Variants in WDR33 observed in about 807,000 individuals in gnomAD.
WDR33 encodes the protein WD repeat domain 33.
In WDR33, 47 loss-of-function variants were observed where a neutral mutation model predicts 164.9. That is an observed-to-expected ratio of 0.29 (90% CI 0.23 to 0.36). The LOEUF (loss-of-function observed/expected upper bound fraction) is 0.36, where lower values mean the gene tolerates loss of function less well. WDR33 is among the 10% of genes least tolerant of loss of function. WDR33 has a pLI of 1.00. For missense variants in WDR33, 1,137 were observed against 1,754.1 expected (o/e 0.65, Z 6.28); for synonymous variants, 505 against 589.0 (o/e 0.86, Z 2.06).
chr2:127,706,053 C>T lies in WDR33; in HGVS notation c.*270G>A, dbSNP rs1426690497. 2.7e-6 allele frequency: 1 copy of T among 376,062 alleles called. No homozygotes were observed. Among genetic ancestry groups the T allele is most frequent in the Non-Finnish European group, 4.7e-6 (1 of 212,142 alleles). The allele number at this position is 376,062 out of a possible 1,614,324, so 23.3% of individuals were successfully genotyped here. A position where few individuals can be genotyped will look rare whatever the true frequency, so the allele number is the denominator to read the frequency against. On this transcript the variant is annotated 3_prime_UTR_variant, in exon 22 of 22. Coordinates refer to ENST00000322313, the MANE Select transcript of WDR33 (RefSeq NM_018383.5). The surrounding 1 kb of genome is among the most constrained non-coding windows in gnomAD (Gnocchi z 5.1). ...TGGAGATGCCCCATGTCTTGTGAGA[C>T]TTAAAAAAAAGAAAAAGATCCCAGC...
In WDR33 at chr2:127,701,742, A is replaced by G; in HGVS notation, c.*4581T>C. ...CGGCCTGACGTGCCTCCCGAGCGTG[A>G]CGCGCGGGCAGCGGCTGGCGGCGGG... On this transcript the variant is annotated 3_prime_UTR_variant, in exon 22 of 22. Coordinates refer to ENST00000322313, the MANE Select transcript of WDR33 (RefSeq NM_018383.5). 3.5e-6 allele frequency: 5 copies of G among 1,411,126 alleles called. No individual in the cohort carries two copies. Among genetic ancestry groups the G allele is most frequent in the South Asian group, 2.8e-5 (2 of 70,632 alleles). 87.4% of individuals were successfully genotyped at this position (1,411,126 alleles called of 1,614,324 possible).
rs191815039 is a variant in WDR33 at position 127,715,454 on chromosome 2, T to C, written c.2870-1433A>G. Among the ~76,000 whole-genome samples, 1,185 of 152,300 alleles carry C rather than the reference T, an allele frequency of 7.8e-3. 9 individuals are homozygous for C. Among genetic ancestry groups the C allele is most frequent in the Non-Finnish European group, 0.014 (963 of 68,034 alleles). ...TCTTTACCATGCAATATATATAAAA[T>C]GCTTGGAAATCTCAGGATAAAAATG... On this transcript the variant is annotated intron_variant, in intron 17 of 21. Coordinates refer to ENST00000322313, the MANE Select transcript of WDR33 (RefSeq NM_018383.5).
chr2:127,715,088 C>CTTTTTTTTT (rs386391178), intron 17 of WDR33, among the ~76,000 whole-genome samples: 146 of 108,536 alleles, frequency 1.3e-3, no homozygotes, highest in Non-Finnish European at 1.6e-3. Context: ...TTCTTTGTTT[C>CTTTTTTTTT]TTTTTTTTTT....
At position 127,701,577 on chromosome 2, in the gene WDR33, G is replaced by GCTGGCGGC. The variant is rs1272100893; in HGVS notation, c.*4738_*4745dup. ...GCAGGAGTACCTGGCGCAGGGGAAA[G>GCTGGCGGC]CTGGCGGCCCGGCGGCCGCGGAGCC... On this transcript the variant is annotated 3_prime_UTR_variant, in exon 22 of 22. Transcript: ENST00000322313. 7.3e-7 allele frequency: 1 copy of GCTGGCGGC among 1,363,428 alleles called. No homozygotes were observed. The highest frequency in any genetic ancestry group is 1.5e-5 in the African/African-American group (1 of 65,918). 84.5% of individuals were successfully genotyped at this position (1,363,428 alleles called of 1,614,324 possible). A position where few individuals can be genotyped will look rare whatever the true frequency, so the allele number is the denominator to read the frequency against.
chr2:127,753,642 A>G (rs570852906), intron 7 of WDR33, among the ~76,000 whole-genome samples: 2 of 152,208 alleles, frequency 1.3e-5, no homozygotes, highest in Non-Finnish European at 2.9e-5. Flanking sequence ...GTCTCTTTAT[A>G]TACTTCCAAA....
chr2:127,805,131 A>ACAG (rs1248235192), intron 1 of WDR33, among the ~76,000 whole-genome samples: 2 of 124,538 alleles, frequency 1.6e-5, no homozygotes, highest in Admixed American at 2.2e-4. Flanking sequence ...AGGCTGGAGT[A>ACAG]CAGCAGCAGG....
chr2:127,755,769 C>A (rs1687500976), intron 7 of WDR33, among the ~76,000 whole-genome samples: 1 of 152,160 alleles, frequency 6.6e-6, no homozygotes, highest in African/African-American at 2.4e-5. Context: ...CTCATGGCAT[C>A]ACAAACTACT....
chr2:127,734,227 C>T (rs1686782579), intron 7 of WDR33, among the ~76,000 whole-genome samples: 1 of 152,164 alleles, frequency 6.6e-6, no homozygotes, highest in South Asian at 2.1e-4. Context: ...ATGTGACAAC[C>T]ATAAACTAAC....
intron 1 of WDR33, among the ~76,000 whole-genome samples, chr2:127,777,761 C>T (rs1274844336): frequency 6.6e-6 from 1 of 152,086 alleles, no homozygotes; most frequent in African/African-American, 2.4e-5. Context: ...CACATGTGTG[C>T]CACCTGGGCT....
intron 7 of WDR33, among the ~76,000 whole-genome samples, chr2:127,752,634 C>A (rs1374595342): frequency 2.7e-5 from 4 of 150,208 alleles, no homozygotes; most frequent in African/African-American, 9.8e-5. Flanking sequence ...ACAGTCTAGG[C>A]ACCAATGACA....
intron 18 of WDR33, among the ~76,000 whole-genome samples, chr2:127,711,780 A>ATATATATATATT: frequency 2.2e-4 from 19 of 88,300 alleles, no homozygotes; most frequent in African/African-American, 9.7e-4. Context: ...ATATATATAT[A>ATATATATATATT]TTTTTTTTTT....
At position 127,711,768 on chromosome 2, in the gene WDR33, A is replaced by ATTTTTT. The variant is rs1441301170; in HGVS notation, c.3308+1814_3308+1815insAAAAAA. Reference sequence around the variant, plus strand: ...CATATACAGATATATATATATATATATATATATATATATTTTTTTTTTGAG... The same window carrying ATTTTTT: ...CATATACAGATATATATATATATATATTTTTTTATATATATATATTTTTTTTTTGAG... On this transcript the variant is annotated intron_variant, in intron 18 of 21. Coordinates refer to ENST00000322313, the MANE Select transcript of WDR33 (RefSeq NM_018383.5). 1.3e-3 allele frequency among the ~76,000 whole-genome samples: 91 copies of ATTTTTT among 70,232 alleles called. 4 individuals carry two copies. The highest frequency in any genetic ancestry group is 5.6e-3 in the African/African-American group (50 of 8,998). 46.1% of individuals were successfully genotyped at this position (70,232 alleles called of 152,430 possible). A position where few individuals can be genotyped will look rare whatever the true frequency, so the allele number is the denominator to read the frequency against.
intron 1 of WDR33, among the ~76,000 whole-genome samples, chr2:127,771,653 C>G (rs905989648): frequency 9.2e-5 from 14 of 152,090 alleles, no homozygotes; most frequent in African/African-American, 3.4e-4. Context: ...TGGCATGCAC[C>G]TGTAGTCCTA....
chr2:127,762,762 T>A, intron 7 of WDR33: 1 of 1,129,500 alleles, frequency 8.9e-7, no homozygotes, highest in Non-Finnish European at 1.1e-6. Flanking sequence ...ACAAGTACCC[T>A]GGCTACAAGG....
chr2:127,782,373 A>T (rs1424513778), intron 1 of WDR33, among the ~76,000 whole-genome samples: 2 of 152,144 alleles, frequency 1.3e-5, no homozygotes, highest in African/African-American at 4.8e-5. Flanking sequence ...GCACCACTGC[A>T]CTCCAGCCTG....
intron 1 of WDR33, among the ~76,000 whole-genome samples, chr2:127,778,727 G>A (rs1688271672): frequency 6.6e-6 from 1 of 152,196 alleles, no homozygotes; most frequent in African/African-American, 2.4e-5. Context: ...GGCAAGGGCA[G>A]GGGGTGTCAG....
At chr2:127,802,367 C>A (rs1393346063) in intron 1 of WDR33, among the ~76,000 whole-genome samples, 7 of 152,080 alleles carry the variant, frequency 4.6e-5, no homozygotes, top group African/African-American at 1.7e-4. Flanking sequence ...CTTCAGCCTC[C>A]GTCTCCTGGG....
In WDR33 at chr2:127,764,700, T is replaced by C; in HGVS notation, c.626+128A>G. 2 of 1,610,652 alleles carry C rather than the reference T, an allele frequency of 1.2e-6. No individual in the cohort carries two copies. The highest frequency in any genetic ancestry group is 1.7e-6 in the Non-Finnish European group (2 of 1,178,110). Reference sequence around the variant, plus strand: ...TGTGTGAAAACAAAGAAAAATATTGTGTTTATAGGGTGCAGAAAGTTTCCC... The same window carrying C: ...TGTGTGAAAACAAAGAAAAATATTGCGTTTATAGGGTGCAGAAAGTTTCCC... On this transcript the variant is annotated intron_variant, in intron 6 of 21. Transcript: ENST00000322313. The surrounding 1 kb of genome is among the most constrained non-coding windows in gnomAD (Gnocchi z 6.2).
In WDR33 at chr2:127,717,549, A is replaced by G. The variant is rs1226516131; in HGVS notation, c.2761-286T>C. ...GGAAAGTCAGAAATTCTAACACAGC[A>G]GCACTAAATTAAACCAATTAAAACA... is the stretch of plus-strand genomic sequence containing the variant. On this transcript the variant is annotated intron_variant, in intron 16 of 21. Transcript: ENST00000322313. This position sits in a 1 kb window ranked among gnomAD's most constrained non-coding sequence, Gnocchi z 5.6. 6.6e-6 allele frequency among the ~76,000 whole-genome samples: 1 copy of G among 152,250 alleles called. No individual in the cohort carries two copies. The highest frequency in any genetic ancestry group is 1.5e-5 in the Non-Finnish European group (1 of 68,042).
Sources: gnomAD v4.1 joint callset for allele counts (sites outside exome capture counted in the v4.1 genomes callset) on GRCh38, gnomAD v4.1.1 for gene constraint, Gnocchi (gnomAD v3.1) non-coding constraint, MANE v1.5 for transcripts, NCBI Gene and HGNC (gene_info 2026-07-23, HGNC 2026-07-21) for gene names.